ANKS1B: variants seen among roughly 807,000 people sequenced by gnomAD.
ANKS1B encodes ankyrin repeat and sterile alpha motif domain containing 1B.
A neutral mutation model predicts 148.3 loss-of-function variants in ANKS1B; 36 were observed. The ratio of observed to expected loss-of-function variants is 0.24; its 90% CI spans 0.19 to 0.32. The LOEUF is 0.32. Ranked by LOEUF, ANKS1B falls within the 10% of genes least tolerant of loss-of-function variation. The pLI, the probability that ANKS1B is intolerant of heterozygous loss-of-function variation, is 1.00. For missense variants in ANKS1B, 1,157 were observed against 1,542.6 expected, an observed-to-expected ratio of 0.75 and a Z score of 4.19; for synonymous variants, 542 against 560.8, an observed-to-expected ratio of 0.97 and a Z score of 0.47.
intron 8 of ANKS1B, among the ~76,000 whole-genome samples, chr12:99,714,201 C>T (rs912932009): frequency 6.6e-6 from 1 of 152,060 alleles, no homozygotes; most frequent in African/African-American, 2.4e-5. Flanking sequence ...ATCTCTTTCT[C>T]TCCCTCTGCT....
intron 1 of ANKS1B, among the ~76,000 whole-genome samples, chr12:99,941,156 G>A (rs866631821): frequency 2.0e-5 from 3 of 151,950 alleles, no homozygotes; most frequent in African/African-American, 7.2e-5. Context: ...AGGACAAATC[G>A]CTCAATTTGC....
chr12:98,751,567 T>A lies in ANKS1B; in HGVS notation c.3580-45A>T. The stretch of plus-strand genomic sequence containing the variant: ...GCATTTGCTACTGGCACACTGCAAA[T>A]TAGAATGGGTCGAATGGCTGAGGAA... On this transcript the variant is annotated intron_variant, in intron 25 of 26. Coordinates refer to ENST00000683438, the MANE Select transcript of ANKS1B (RefSeq NM_001352186.2). This position sits in a 1 kb window ranked among gnomAD's most constrained non-coding sequence, Gnocchi z 4.3. 1.3e-6 allele frequency: 2 copies of A among 1,591,666 alleles called. No homozygotes were observed. Among genetic ancestry groups the A allele is most frequent in the Non-Finnish European group, 1.7e-6 (2 of 1,163,084 alleles).
rs2094432799 is a variant in ANKS1B, at chr12:99,402,528, T to C, written c.1576-2717A>G. Among the ~76,000 whole-genome samples, 2 of 145,762 alleles carry C rather than the reference T, an allele frequency of 1.4e-5. 1 individual carries two copies. Among genetic ancestry groups the C allele is most frequent in the African/African-American group, 5.2e-5 (2 of 38,296 alleles). On this transcript the variant is annotated intron_variant, in intron 11 of 26. Coordinates refer to ENST00000683438, the MANE Select transcript of ANKS1B (RefSeq NM_001352186.2). ...TTGTTCCCCTCTATGTGTCCATGTG[T>C]TCTCATCATTTAGTTCCCAGTGATG...
At chr12:99,214,996 T>G (rs918623217) in intron 14 of ANKS1B, among the ~76,000 whole-genome samples, 2 of 152,198 alleles carry the variant, frequency 1.3e-5, no homozygotes, top group Admixed American at 1.3e-4. Context: ...GAGAAAGGAT[T>G]AGGGTACCTG....
At chr12:98,880,209 A>T (rs1232878016) in intron 17 of ANKS1B, among the ~76,000 whole-genome samples, 1 of 152,238 alleles carries the variant, frequency 6.6e-6, no homozygotes, top group Non-Finnish European at 1.5e-5. Context: ...ATAACAGCTC[A>T]TATTTAGGAT....
intron 11 of ANKS1B, among the ~76,000 whole-genome samples, chr12:99,406,823 G>T (rs949355508): frequency 6.9e-6 from 1 of 145,854 alleles, no homozygotes; most frequent in Non-Finnish European, 1.5e-5. Flanking sequence ...AGAAGAAAAA[G>T]ACAACGTTAC....
chr12:99,784,745 G>A (rs1259382890), intron 4 of ANKS1B, among the ~76,000 whole-genome samples: 1 of 152,162 alleles, frequency 6.6e-6, no homozygotes, highest in Admixed American at 6.5e-5. Flanking sequence ...GATTCTGTAG[G>A]TCTAAAGAGT....
intron 12 of ANKS1B, among the ~76,000 whole-genome samples, chr12:99,336,858 A>G: frequency 6.6e-6 from 1 of 152,132 alleles, no homozygotes; most frequent in East Asian, 1.9e-4. Context: ...GTCTCCACTG[A>G]GAAGTCTGCT....
At chr12:98,942,250 T>C (rs1266646174) in intron 17 of ANKS1B, among the ~76,000 whole-genome samples, 1 of 60,536 alleles carries the variant, frequency 1.7e-5, no homozygotes, top group South Asian at 5.1e-4. Flanking sequence ...TGGTGGGAGG[T>C]GGGGGAGCGG....
At chr12:99,513,851 A>G (rs10860452) in intron 9 of ANKS1B, among the ~76,000 whole-genome samples, 16,921 of 152,062 alleles carry the variant, frequency 0.11, 3,115 homozygotes, top group African/African-American at 0.39. Context: ...ATTCATTTTC[A>G]AAACTAGCTT....
At chr12:99,331,516 C>G (rs1189088427) in intron 12 of ANKS1B, among the ~76,000 whole-genome samples, 2 of 152,054 alleles carry the variant, frequency 1.3e-5, no homozygotes, top group East Asian at 3.9e-4. Context: ...TCCTAAGCCA[C>G]CCTACAGTTT....
intron 12 of ANKS1B, among the ~76,000 whole-genome samples, chr12:99,331,468 T>C (rs533887810): frequency 5.5e-4 from 84 of 152,126 alleles, no homozygotes; most frequent in African/African-American, 1.9e-3. Context: ...TTTTCCTTCA[T>C]GACATTTAAT....
At chr12:99,611,608 C>T (rs78306374) in intron 9 of ANKS1B, among the ~76,000 whole-genome samples, 1,884 of 152,178 alleles carry the variant, frequency 0.012, 47 homozygotes, top group African/African-American at 0.042. Context: ...TCCCCTGAGA[C>T]TAGGTTTAAG....
At chr12:98,760,232 A>G (rs17028668) in intron 25 of ANKS1B, among the ~76,000 whole-genome samples, 10,025 of 152,134 alleles carry the variant, frequency 0.066, 456 homozygotes, top group South Asian at 0.15. Context: ...AATTAAAAAC[A>G]AGAGAAAGTC....
At chr12:99,146,201 G>A (rs1040999451) in intron 15 of ANKS1B, among the ~76,000 whole-genome samples, 2 of 152,090 alleles carry the variant, frequency 1.3e-5, no homozygotes, top group South Asian at 4.1e-4. Flanking sequence ...CTAGAAAGAT[G>A]AACAAGACCC....
At chr12:99,293,754 C>T (rs2080402444) in intron 12 of ANKS1B, among the ~76,000 whole-genome samples, 1 of 143,374 alleles carries the variant, frequency 7.0e-6, no homozygotes, top group Admixed American at 6.9e-5. Flanking sequence ...GAATGGAATA[C>T]AATATTTGCA....
chr12:99,816,958 A>G (rs1002903502), intron 2 of ANKS1B, among the ~76,000 whole-genome samples: 16 of 151,706 alleles, frequency 1.1e-4, no homozygotes, highest in Non-Finnish European at 1.2e-4. Context: ...ATATGCATAC[A>G]ATGTGTAATG....
intron 8 of ANKS1B, among the ~76,000 whole-genome samples, chr12:99,759,574 T>A (rs1340296155): frequency 6.6e-6 from 1 of 151,962 alleles, no homozygotes; most frequent in Non-Finnish European, 1.5e-5. Context: ...AACTGCCATG[T>A]CTCTTTAAGC....
chr12:99,286,331 A>G (rs568081456), intron 12 of ANKS1B, among the ~76,000 whole-genome samples: 1 of 152,120 alleles, frequency 6.6e-6, no homozygotes, highest in African/African-American at 2.4e-5. Flanking sequence ...CTTGAAGGGA[A>G]GGACCCAGTC....
Sources: gnomAD v4.1 joint callset for allele counts (sites outside exome capture counted in the v4.1 genomes callset) on GRCh38, gnomAD v4.1.1 for gene constraint, Gnocchi (gnomAD v3.1) non-coding constraint, MANE v1.5 for transcripts, NCBI Gene and HGNC (gene_info 2026-07-23, HGNC 2026-07-21) for gene names.